IPO5: variants seen among roughly 807,000 people sequenced by gnomAD.
IPO5 encodes importin 5, also known as importin-5.
Under a neutral mutation model 143.3 loss-of-function variants are expected in IPO5, and 18 were observed. That is an observed-to-expected ratio of 0.13 (90% CI 0.09 to 0.19). IPO5 has a LOEUF of 0.19. Ranked by LOEUF, IPO5 falls within the 10% of genes least tolerant of loss-of-function variation. The pLI is 1.00. For synonymous variants in IPO5, 477 were observed against 465.7 expected, an observed-to-expected ratio of 1.02 and a Z score of -0.31; for missense variants, 1,013 against 1,336.9, an observed-to-expected ratio of 0.76 and a Z score of 3.78.
intron 3 of IPO5, chr13:97,975,987 G>C (rs748294981): frequency 1.0e-6 from 1 of 984,672 alleles, no homozygotes; most frequent in African/African-American, 1.7e-5. Flanking sequence ...CGAGAAGTCC[G>C]TGAGTAGAAG....
chr13:97,987,086 C>A lies in IPO5; in HGVS notation c.364+1473C>A. On this transcript the variant is annotated intron_variant, in intron 6 of 28. Transcript: ENST00000651721. ...TCTAGGAAGTGGCTCTCCAAGAAGTCACAGAGATGGGGATCTGTGCAGGCA... is the reference window on the plus strand; with the variant it reads ...TCTAGGAAGTGGCTCTCCAAGAAGTAACAGAGATGGGGATCTGTGCAGGCA... 3 of 169,006 alleles carry A rather than the reference C, an allele frequency of 1.8e-5. No homozygotes were observed. The South Asian group carries it at 5.3e-4, about 30-fold the overall frequency. The allele number at this position is 169,006 out of a possible 1,614,324, so 10.5% of individuals were successfully genotyped here.
chr13:97,984,782 T>A (rs1887187976), intron 5 of IPO5, among the ~76,000 whole-genome samples: 1 of 152,222 alleles, frequency 6.6e-6, no homozygotes, highest in Non-Finnish European at 1.5e-5. Context: ...CTTATTGGCT[T>A]GATTTGATAA....
intron 13 of IPO5, 43 bp downstream of exon 13, chr13:98,000,688 C>A (rs768566717): frequency 7.9e-7 from 1 of 1,262,286 alleles, no homozygotes; most frequent in South Asian, 1.2e-5. Flanking sequence ...AAGTTGTGCC[C>A]TTTCTAAAGC....
intron 24 of IPO5, 81 bp from the exon 25 acceptor site, chr13:98,016,648 A>G: frequency 1.4e-6 from 1 of 733,538 alleles, no homozygotes; most frequent in Non-Finnish European, 2.0e-6. Context: ...GCATTTTTTA[A>G]GGTTTTTATA....
intron 4 of IPO5, among the ~76,000 whole-genome samples, chr13:97,977,680 C>T (rs528485526): frequency 2.6e-5 from 4 of 152,232 alleles, no homozygotes; most frequent in South Asian, 2.1e-4. Context: ...TATCTGTAAG[C>T]TCATTTACCA....
At chr13:97,982,271 C>T (rs1419888884) in intron 4 of IPO5, 1 of 419,584 alleles carries the variant, frequency 2.4e-6, no homozygotes, top group Non-Finnish European at 4.2e-6. Context: ...AACATGCACA[C>T]ACATTAGAAA....
At chr13:97,965,951 G>A (rs572837665) in intron 2 of IPO5, among the ~76,000 whole-genome samples, 32 of 152,032 alleles carry the variant, frequency 2.1e-4, no homozygotes, top group Middle Eastern at 3.4e-3. Flanking sequence ...AAACCAGCCT[G>A]GCCAACATGG....
In IPO5 at chr13:97,990,123, T is replaced by C. The variant is rs192846558; in HGVS notation, c.468-3T>C. The C allele has an allele frequency of 5.6e-4, 880 of 1,572,962 alleles. 6 individuals are homozygous for C. In the African/African-American group the frequency reaches 0.01, roughly 19 times the overall value. On this transcript the variant is annotated splice_region_variant and splice_polypyrimidine_tract_variant and intron_variant, in intron 7 of 28. Coordinates refer to ENST00000651721, the MANE Select transcript of IPO5 (RefSeq NM_002271.6). Reference sequence around the variant, plus strand: ...TTTAAAGAATGTTTGGATTATCTTTTAGGAACTTTCCTGGAATTTTTGGGA... The same window carrying C: ...TTTAAAGAATGTTTGGATTATCTTTCAGGAACTTTCCTGGAATTTTTGGGA...
In IPO5 at chr13:98,014,086, T is replaced by A; in HGVS notation, c.2197T>A (p.Cys733Ser). 6.2e-7 allele frequency: 1 copy of A among 1,613,344 alleles called. No individual in the cohort carries two copies. Residue 733 changes from cysteine to serine, a missense_variant, in exon 22 of 29, where the codon TGT becomes AGT. Around this residue, in one of 2 missense-constraint regions of IPO5, gnomAD observed 685 missense variants for 994.9 expected, o/e 0.69. Coordinates refer to ENST00000651721, the MANE Select transcript of IPO5 (RefSeq NM_002271.6). ...GGAATCCATGCCTCTTCTCCTGGAG[T>A]GTGCAAGAGTCCGTGGTCCTGAGTA... The part of the protein sequence containing the change: ...AAESMPLLLE[C>S]ARVRGPEYLT...
chr13:98,007,140 C>G (rs1889334341), intron 17 of IPO5, among the ~76,000 whole-genome samples: 1 of 152,070 alleles, frequency 6.6e-6, no homozygotes, highest in African/African-American at 2.4e-5. Context: ...GCCACCGCGC[C>G]CAGCCCGTCT....
At chr13:98,012,488 C>G in intron 21 of IPO5, 146 bp downstream of exon 21, 1 of 599,902 alleles carries the variant, frequency 1.7e-6, no homozygotes, top group South Asian at 2.1e-5. Flanking sequence ...AAACTCGGTT[C>G]TCTGCATGTG....
chr13:98,000,436 A>G (rs1412377834), intron 12 of IPO5, 103 bp from the exon 13 acceptor site: 28 of 710,642 alleles, frequency 3.9e-5, no homozygotes, highest in Non-Finnish European at 2.4e-6. Flanking sequence ...ATTCTTTCTC[A>G]GTCTTAGTTT....
chr13:97,953,758 A>C (rs1445292615), intron 1 of IPO5, 42 bp downstream of exon 1: 2 of 328,352 alleles, frequency 6.1e-6, no homozygotes, highest in Admixed American at 7.8e-5. Context: ...AAACCATTTA[A>C]GAATTTCATC....
chr13:97,956,993 G>A (rs146867547), intron 2 of IPO5, among the ~76,000 whole-genome samples: 512 of 152,214 alleles, frequency 3.4e-3, no homozygotes, highest in African/African-American at 0.012. Flanking sequence ...GTCCAATATC[G>A]CTGATTTTAC....
intron 2 of IPO5, chr13:97,963,272 T>C (rs1319771604): frequency 1.3e-5 from 2 of 152,160 alleles, no homozygotes; most frequent in African/African-American, 4.8e-5. Context: ...AAAATCAGTC[T>C]GACAACACAT....
intron 25 of IPO5, 147 bp downstream of exon 25, chr13:98,016,998 A>T (rs1032301922): frequency 3.2e-5 from 20 of 625,238 alleles, no homozygotes; most frequent in Non-Finnish European, 4.9e-5. Context: ...AGTTGACTGC[A>T]TTACCCTGGA....
chr13:97,965,620 C>G (rs149105672), intron 2 of IPO5, among the ~76,000 whole-genome samples: 4 of 152,166 alleles, frequency 2.6e-5, no homozygotes, highest in African/African-American at 7.2e-5. Flanking sequence ...TTTTTTGATG[C>G]TATTGTAAAT....
intron 6 of IPO5, chr13:97,987,178 A>C (rs1335723369): frequency 6.0e-6 from 1 of 166,218 alleles, no homozygotes; most frequent in African/African-American, 2.4e-5. Context: ...GGGCCATGAC[A>C]GCTTCCATGG....
intron 13 of IPO5, 63 bp from the exon 14 acceptor site, chr13:98,002,404 C>T: frequency 6.6e-7 from 1 of 1,506,442 alleles, no homozygotes; most frequent in Non-Finnish European, 9.1e-7. Context: ...ATACATCTCC[C>T]TCTACCAGAA....
Sources: gnomAD v4.1 joint callset for allele counts (sites outside exome capture counted in the v4.1 genomes callset) on GRCh38, gnomAD v4.1.1 for gene constraint, gnomAD v4.1.1 regional missense constraint, MANE v1.5 for transcripts, NCBI Gene and HGNC (gene_info 2026-07-23, HGNC 2026-07-21) for gene names.